Variants in PCDH11Y observed in about 807,000 individuals in gnomAD.
PCDH11Y encodes the protein protocadherin-11 Y-linked.
For missense variants in PCDH11Y, 12 were observed against 224.8 expected, an observed-to-expected ratio of 0.05 and a Z score of 6.05; for synonymous variants, 9 against 83.6, an observed-to-expected ratio of 0.11 and a Z score of 4.87.
chrY:5,115,962 G>T, intron 2 of PCDH11Y, among the ~76,000 whole-genome samples: 1 of 31,914 alleles, frequency 3.1e-5, no homozygotes, highest in Non-Finnish European at 7.6e-5. Context: ...GGATGGTCTC[G>T]ATCTCCTGAC....
chrY:5,379,568 C>A, intron 2 of PCDH11Y, among the ~76,000 whole-genome samples: 2 of 32,472 alleles, frequency 6.2e-5, no homozygotes, highest in Non-Finnish European at 1.5e-4. Flanking sequence ...AACCCGAGAC[C>A]CTAGCGGGCA....
At chrY:5,127,293 C>A in intron 2 of PCDH11Y, among the ~76,000 whole-genome samples, 1 of 31,694 alleles carries the variant, frequency 3.2e-5, no homozygotes, top group Admixed American at 3.0e-4. Context: ...GAAGCCTCAA[C>A]CTCCCAGGCT....
chrY:5,186,052 C>A, intron 2 of PCDH11Y, among the ~76,000 whole-genome samples: 2 of 32,097 alleles, frequency 6.2e-5, no homozygotes, highest in Non-Finnish European at 1.5e-4. Context: ...AGATCAGGAG[C>A]AAGGATGTCC....
chrY:5,504,007 T>C (rs2124688341), intron 3 of PCDH11Y, among the ~76,000 whole-genome samples: 1 of 32,037 alleles, frequency 3.1e-5, no homozygotes, highest in East Asian at 8.1e-4. Flanking sequence ...TTGAAATGTA[T>C]TACATCTTCA....
chrY:5,146,156 A>G, intron 2 of PCDH11Y, among the ~76,000 whole-genome samples: 2 of 33,789 alleles, frequency 5.9e-5, no homozygotes, highest in Non-Finnish European at 1.5e-4. Context: ...CATGCCAGGG[A>G]TCTAGGTTGT....
intron 2 of PCDH11Y, among the ~76,000 whole-genome samples, chrY:5,332,683 GTCTACATCAGTATCAAATGA>G (rs2053132307): frequency 8.9e-5 from 3 of 33,614 alleles, no homozygotes; most frequent in Non-Finnish European, 2.2e-4. Context: ...TCCTCAAAAT[GTCTACATCAGTATCAAATGA>G]AATATATAAC....
chrY:5,462,914 G>A (rs2124683980), intron 2 of PCDH11Y, among the ~76,000 whole-genome samples: 5 of 33,368 alleles, frequency 1.5e-4, no homozygotes, highest in Admixed American at 1.4e-3. Context: ...AGGATTTACA[G>A]GCGTGAGCCA....
intron 3 of PCDH11Y, among the ~76,000 whole-genome samples, chrY:5,558,610 AT>A (rs2053425956): frequency 3.3e-5 from 1 of 30,257 alleles, no homozygotes; most frequent in Non-Finnish European, 7.9e-5. Context: ...TGAAAAAAAA[AT>A]GATATAAATA....
chrY:5,262,672 A>G, intron 2 of PCDH11Y, among the ~76,000 whole-genome samples: 1 of 31,336 alleles, frequency 3.2e-5, no homozygotes, highest in Non-Finnish European at 7.7e-5. Flanking sequence ...AAAAGTTCAG[A>G]AAATTCAGAG....
intron 3 of PCDH11Y, among the ~76,000 whole-genome samples, chrY:5,536,297 T>C: frequency 3.0e-5 from 1 of 33,195 alleles, no homozygotes; most frequent in Non-Finnish European, 7.4e-5. Flanking sequence ...TGCATTTCCT[T>C]GATAATTAGT....
chrY:5,172,226 C>T, intron 2 of PCDH11Y, among the ~76,000 whole-genome samples: 1 of 32,531 alleles, frequency 3.1e-5, no homozygotes, highest in Non-Finnish European at 7.6e-5. Flanking sequence ...TTGGGCTTGA[C>T]TCTGATTCCA....
chrY:5,308,792 G>T (rs2124664116), intron 2 of PCDH11Y, among the ~76,000 whole-genome samples: 1 of 32,853 alleles, frequency 3.0e-5, no homozygotes, highest in East Asian at 8.4e-4. Flanking sequence ...AAATTTGGAA[G>T]AGTTCGGGCC....
intron 2 of PCDH11Y, among the ~76,000 whole-genome samples, chrY:5,271,645 TG>T (rs2053037005): frequency 2.9e-5 from 1 of 34,219 alleles, no homozygotes; most frequent in Non-Finnish European, 7.5e-5. Context: ...CAAAGAGCAA[TG>T]GTTTATTTTC....
At chrY:5,178,500 G>A in intron 2 of PCDH11Y, among the ~76,000 whole-genome samples, 1 of 32,897 alleles carries the variant, frequency 3.0e-5, no homozygotes, top group Non-Finnish European at 7.5e-5. Context: ...GGTAATATGA[G>A]CCAAGCTGAC....
intron 2 of PCDH11Y, among the ~76,000 whole-genome samples, chrY:5,465,629 A>G: frequency 2.1e-4 from 7 of 32,796 alleles, no homozygotes; most frequent in Non-Finnish European, 5.3e-4. Context: ...ACTGCTATCA[A>G]TTTTATTTAT....
At chrY:5,143,436 G>A in intron 2 of PCDH11Y, among the ~76,000 whole-genome samples, 1 of 32,971 alleles carries the variant, frequency 3.0e-5, no homozygotes. Context: ...ATAACTGATG[G>A]GAACTCAGCT....
At chrY:5,158,883 T>C (rs2052872162) in intron 2 of PCDH11Y, among the ~76,000 whole-genome samples, 2 of 32,270 alleles carry the variant, frequency 6.2e-5, no homozygotes, top group Non-Finnish European at 1.5e-4. Flanking sequence ...AGCTTCTTAT[T>C]GTCATTTATC....
intron 2 of PCDH11Y, among the ~76,000 whole-genome samples, chrY:5,206,277 G>A (rs2124650419): frequency 3.2e-5 from 1 of 31,112 alleles, no homozygotes; most frequent in Non-Finnish European, 7.8e-5. Context: ...AAGGCAAGGA[G>A]GAACAAGTCA....
intron 2 of PCDH11Y, among the ~76,000 whole-genome samples, chrY:5,337,594 A>AT (rs2053139673): frequency 0.12 from 2,842 of 23,095 alleles, no homozygotes; most frequent in African/African-American, 0.53. Context: ...CTTTTTATCT[A>AT]TTTTTTTTTT....
Sources: allele counts gnomAD v4.1 joint callset (sites outside exome capture counted in the v4.1 genomes callset), GRCh38; gene constraint gnomAD v4.1.1; transcripts MANE v1.5; gene names NCBI Gene and HGNC (gene_info 2026-07-23, HGNC 2026-07-21).